The following FARSA variants were observed in gnomAD, a reference collection of about 807,000 sequenced individuals.
The protein encoded by FARSA is phenylalanyl-tRNA synthetase subunit alpha.
FARSA carries 37 observed loss-of-function variants against 63.2 expected under a neutral mutation model. The ratio of observed to expected loss-of-function variants is 0.59; its 90% CI spans 0.45 to 0.77. FARSA has a LOEUF of 0.77. FARSA is among the 30% of genes least tolerant of loss of function. FARSA has a pLI of 0.00. For missense variants in FARSA, 618 were observed against 696.6 expected, an observed-to-expected ratio of 0.89 and a Z score of 1.27; for synonymous variants, 312 against 285.1, an observed-to-expected ratio of 1.09 and a Z score of -0.95.
intron 7 of FARSA, among the ~76,000 whole-genome samples, 196 bp downstream of exon 7, chr19:12,928,146 T>C (rs1326809444): frequency 1.3e-5 from 2 of 152,078 alleles, no homozygotes; most frequent in Non-Finnish European, 2.9e-5. Flanking sequence ...TTCTTCCCTA[T>C]GTTGCCTGAG....
chr19:12,933,390 C>T, intron 1 of FARSA, 160 bp downstream of exon 1: 1 of 768,256 alleles, frequency 1.3e-6, no homozygotes, highest in Middle Eastern at 2.6e-4. Context: ...TGCGTCTGGG[C>T]CCTCACTCGT....
intron 1 of FARSA, among the ~76,000 whole-genome samples, chr19:12,932,819 G>A (rs1379760893): frequency 6.6e-6 from 1 of 152,080 alleles, no homozygotes; most frequent in East Asian, 1.9e-4. Context: ...TCATCTGTGC[G>A]CCCCCTGCCT....
At chr19:12,931,755 TCCA>T (rs1971398820) in intron 1 of FARSA, among the ~76,000 whole-genome samples, 1 of 152,122 alleles carries the variant, frequency 6.6e-6, no homozygotes, top group African/African-American at 2.4e-5. Flanking sequence ...GCCCTGGAGG[TCCA>T]CATTACAAAC....
rs767124931 is a variant in FARSA at position 12,930,640 on chromosome 19, G to T, written c.257C>A (p.Pro86Gln). ...AAGCTCGCTCTGGGCCAGGCCCTCT[G>T]GGGGAATGCTTCGAAACACACGGGC... ...HEARVFRSIP[P>Q]EGLAQSELMR... Residue 86 changes from proline (P) to glutamine (Q), a missense_variant, in exon 2 of 13, where the codon CCA becomes CAA. Pro to Gln is a moderately conservative substitution (Grantham distance 76). Coordinates refer to ENST00000314606, the MANE Select transcript of FARSA (RefSeq NM_004461.3). The T allele has an allele frequency of 1.2e-6, 2 of 1,613,156 alleles. No homozygotes were observed. Among genetic ancestry groups the T allele is most frequent in the South Asian group, 1.1e-5 (1 of 91,036 alleles).
intron 7 of FARSA, among the ~76,000 whole-genome samples, chr19:12,926,433 G>T (rs965066914): frequency 1.5e-4 from 22 of 150,972 alleles, no homozygotes; most frequent in African/African-American, 5.1e-4. Context: ...CACTATGCCT[G>T]GCTAATTGTT....
chr19:12,927,141 C>T (rs1392508351), intron 7 of FARSA, among the ~76,000 whole-genome samples: 1 of 152,230 alleles, frequency 6.6e-6, no homozygotes, highest in Admixed American at 6.5e-5. Context: ...TTCTGTAGAA[C>T]TCGGGGTGAG....
chr19:12,930,739 G>A lies in FARSA; in HGVS notation c.158C>T (p.Ala53Val). Residue 53 changes from alanine (A) to valine (V), a missense_variant, in exon 2 of 13, where the codon GCT becomes GTT. By Grantham distance (64) the Ala-to-Val change is moderately conservative. Transcript: ENST00000314606. ...SLQALGEVIE[A>V]ELRSTKHWEL... ...CCAGTGCTTGGTGGACCGAAGTTCAGCCTCGATGACCTAGAGGGAAATGTG... is the reference window on the plus strand; with the variant it reads ...CCAGTGCTTGGTGGACCGAAGTTCAACCTCGATGACCTAGAGGGAAATGTG... 1 of 1,608,316 alleles carries A rather than the reference G, an allele frequency of 6.2e-7. No homozygotes were observed. The highest frequency in any genetic ancestry group is 2.2e-5 in the East Asian group (1 of 44,886).
chr19:12,933,342 C>A lies in FARSA; in HGVS notation c.147+208G>T, dbSNP rs148373997. 3.6e-4 allele frequency: 213 copies of A among 585,872 alleles called. 1 individual carries two copies. Among genetic ancestry groups the A allele is most frequent in the African/African-American group, 3.4e-3 (175 of 51,182 alleles). The allele number at this position is 585,872 out of a possible 1,614,324, so 36.3% of individuals were successfully genotyped here. ...CATCGTACCCTCTACCCACGCTGACCGTGCCTCAATAAACGTTTATTGCAT... is the reference window on the plus strand; with the variant it reads ...CATCGTACCCTCTACCCACGCTGACAGTGCCTCAATAAACGTTTATTGCAT... On this transcript the variant is annotated intron_variant, in intron 1 of 12. Transcript: ENST00000314606.
Position 12,929,167 on chromosome 19 carries a change from C to T in FARSA, c.504-320G>A, listed in dbSNP as rs1337630036. ...CAGGCTCTGTTCTGCAAAAGTCTCC[C>T]CACAAGCCCCGGAAAGAGGGCAGTT... On this transcript the variant is annotated intron_variant, in intron 4 of 12. Coordinates refer to ENST00000314606, the MANE Select transcript of FARSA (RefSeq NM_004461.3). Among the ~76,000 whole-genome samples the T allele has an allele frequency of 2.6e-5, 4 of 152,260 alleles. No individual in the cohort carries two copies. The East Asian group carries it at 7.7e-4, about 29-fold the overall frequency.
At chr19:12,926,118 G>A (rs1254665696) in intron 7 of FARSA, among the ~76,000 whole-genome samples, 2 of 150,920 alleles carry the variant, frequency 1.3e-5, no homozygotes, top group African/African-American at 4.9e-5. Context: ...ACAGGCACAC[G>A]CCACCATGCC....
rs750308847 is a variant in FARSA, at chr19:12,924,228, G to C, written c.1311C>G (p.Val437=). The change falls in exon 12 of 13, where the codon GTC becomes GTG. Residue 437 remains valine, a synonymous_variant. Coordinates refer to ENST00000314606, the MANE Select transcript of FARSA (RefSeq NM_004461.3). The surrounding 1 kb of genome is among the most constrained non-coding windows in gnomAD (Gnocchi z 6.4). The stretch of plus-strand genomic sequence containing the variant: ...TGGGCAGCAGCATCTCTGGACGGAA[G>C]ACCCCCGAGTTTCCGACCTCCACCC... ...KKWVEVGNSG[V]FRPEMLLPMG... is the part of the protein sequence containing the mutation. The C allele has an allele frequency of 1.2e-6, 2 of 1,614,148 alleles. No individual in the cohort carries two copies. The highest frequency in any genetic ancestry group is 1.7e-6 in the Non-Finnish European group (2 of 1,180,044).
At chr19:12,929,029 ACT>A (rs1568445098) in intron 4 of FARSA, among the ~76,000 whole-genome samples, 182 bp from the exon 5 acceptor site, 1 of 152,014 alleles carries the variant, frequency 6.6e-6, no homozygotes, top group Non-Finnish European at 1.5e-5. Flanking sequence ...GTATTCACTC[ACT>A]GATTCATTCA....
rs3111317 is a variant in FARSA, at chr19:12,927,348, C to T, written c.841+994G>A. ...GGTGTGGGGGCTCATGCCTGTAATC[C>T]CAGCACTTTGGGAGGCTGAGGCAAA... On this transcript the variant is annotated intron_variant, in intron 7 of 12. Coordinates refer to ENST00000314606, the MANE Select transcript of FARSA (RefSeq NM_004461.3). Among the ~76,000 whole-genome samples the T allele has an allele frequency of 1.3e-3, 198 of 152,278 alleles. 1 individual carries two copies. Among genetic ancestry groups the T allele is most frequent in the Middle Eastern group, 6.8e-3 (2 of 294 alleles).
chr19:12,929,009 G>A (rs962718995), intron 4 of FARSA, among the ~76,000 whole-genome samples, 162 bp from the exon 5 acceptor site: 14 of 152,130 alleles, frequency 9.2e-5, no homozygotes, highest in African/African-American at 3.1e-4. Flanking sequence ...TGACCATGCT[G>A]TATCTCCCTG....
intron 1 of FARSA, chr19:12,933,285 G>T (rs1971415336): frequency 7.2e-6 from 3 of 419,550 alleles, no homozygotes; most frequent in Admixed American, 5.1e-5. Flanking sequence ...CGCAACCTGC[G>T]TGAGGGCAGC....
rs763246656 is a variant in FARSA at position 12,922,853 on chromosome 19, G to C, written c.1422C>G (p.Ile474Met). 4.3e-6 allele frequency: 7 copies of C among 1,614,148 alleles called. No individual in the cohort carries two copies. The highest frequency in any genetic ancestry group is 4.2e-6 in the Non-Finnish European group (5 of 1,180,020). The change falls in exon 13 of 13, where the codon ATC (isoleucine) becomes ATG (methionine). Residue 474 changes from isoleucine to methionine, a missense_variant. Transcript: ENST00000314606. ...PTMIKYGINN[I>M]RELVGHKVNL... The stretch of plus-strand genomic sequence containing the variant: ...TCACCTTGTGGCCCACCAGCTCCCG[G>C]ATATTGTTGATGCCATATTTGATCA...
rs533505522 is a variant in FARSA at position 12,922,896 on chromosome 19, G to T, written c.1389-10C>A. On this transcript the variant is annotated splice_polypyrimidine_tract_variant and intron_variant, in intron 12 of 12. Coordinates refer to ENST00000314606, the MANE Select transcript of FARSA (RefSeq NM_004461.3). ...TTTGATCATCGTTGGGCTTGTGGGG[G>T]AGGGAACAGAGTTTATCATGAGGTC... 2.5e-6 allele frequency: 4 copies of T among 1,614,074 alleles called. No individual in the cohort carries two copies. The African/African-American group carries it at 5.3e-5, about 22-fold the overall frequency.
intron 8 of FARSA, 41 bp from the exon 9 acceptor site, chr19:12,925,044 G>C: frequency 6.2e-7 from 1 of 1,612,434 alleles, no homozygotes. Flanking sequence ...ATGGCCCAGG[G>C]GTCCCCAGCC....
intron 4 of FARSA, among the ~76,000 whole-genome samples, chr19:12,929,999 T>G (rs544640793): frequency 6.6e-6 from 1 of 152,254 alleles, no homozygotes; most frequent in Non-Finnish European, 1.5e-5. Flanking sequence ...AGAGACTTGA[T>G]GAGGAGCCTA....
Sources: gnomAD v4.1 joint callset for allele counts (sites outside exome capture counted in the v4.1 genomes callset) on GRCh38, gnomAD v4.1.1 for gene constraint, Gnocchi (gnomAD v3.1) non-coding constraint, MANE v1.5 for transcripts, NCBI Gene and HGNC (gene_info 2026-07-23, HGNC 2026-07-21) for gene names.